NELFCD: variants seen among roughly 807,000 people sequenced by gnomAD.
The protein encoded by NELFCD is negative elongation factor complex member C/D.
A neutral mutation model predicts 72.9 loss-of-function variants in NELFCD; 48 were observed. That is an observed-to-expected ratio of 0.66 (90% confidence interval 0.52 to 0.84). NELFCD has a LOEUF of 0.84. Ranked by LOEUF, NELFCD falls within the 40% of genes least tolerant of loss-of-function variation. NELFCD has a pLI of 0.00. For synonymous variants in NELFCD, 297 were observed against 280.6 expected (o/e 1.06, Z -0.59); for missense variants, 538 against 723.8 (o/e 0.74, Z 2.94).
In NELFCD at chr20:58,992,992, C is replaced by A; in HGVS notation, c.1230-6C>A. The A allele has an allele frequency of 1.2e-6, 2 of 1,601,936 alleles. No homozygotes were observed. The highest frequency in any genetic ancestry group is 1.3e-5 in the African/African-American group (1 of 74,722). On this transcript the variant is annotated splice_region_variant and splice_polypyrimidine_tract_variant and intron_variant, in intron 10 of 14. Coordinates refer to ENST00000652272, the MANE Select transcript of NELFCD (RefSeq NM_198976.4). Reference sequence around the variant, plus strand: ...TTTTAAAGGAAGCATTCTGCCTTAACTGTAGGTTTCCAGTGGTAGCAATGG... The same window carrying A: ...TTTTAAAGGAAGCATTCTGCCTTAAATGTAGGTTTCCAGTGGTAGCAATGG...
intron 1 of NELFCD, among the ~76,000 whole-genome samples, chr20:58,981,673 C>G (rs950175558): frequency 1.4e-4 from 21 of 151,566 alleles, no homozygotes; most frequent in Non-Finnish European, 1.3e-4. Context: ...CTCGCTCCGG[C>G]CAGGCCCGGC....
At position 58,986,973 on chromosome 20, in the gene NELFCD, G is replaced by A; in HGVS notation, c.286+110G>A. 1.6e-6 allele frequency: 1 copy of A among 634,524 alleles called. No individual in the cohort carries two copies. Among genetic ancestry groups the A allele is most frequent in the Middle Eastern group, 2.7e-4 (1 of 3,716 alleles). The allele number at this position is 634,524 out of a possible 1,614,324, so 39.3% of individuals were successfully genotyped here. A position where few individuals can be genotyped will look rare whatever the true frequency, so the allele number is the denominator to read the frequency against. On this transcript the variant is annotated intron_variant, in intron 3 of 14. Coordinates refer to ENST00000652272, the MANE Select transcript of NELFCD (RefSeq NM_198976.4). The surrounding 1 kb of genome is among the most constrained non-coding windows in gnomAD (Gnocchi z 4.4). The stretch of plus-strand genomic sequence containing the variant: ...TGCCTTCTTTGATTTCCTGGTTTCT[G>A]AGACTTGTGTAAGAAAGAGCTGAAC...
At chr20:58,987,584 T>C in intron 3 of NELFCD, 124 bp from the exon 4 acceptor site, 1 of 735,990 alleles carries the variant, frequency 1.4e-6, no homozygotes, top group Admixed American at 2.6e-5. Flanking sequence ...ACCTTACATG[T>C]ATAAGTGGTC....
intron 13 of NELFCD, 85 bp from the exon 14 acceptor site, chr20:58,994,025 C>A: frequency 6.5e-7 from 1 of 1,528,276 alleles, no homozygotes; most frequent in Non-Finnish European, 8.9e-7. Context: ...GGGATTTTTT[C>A]CAAACTGATG....
rs1445107493 is a variant in NELFCD at position 58,994,785 on chromosome 20, C to T, written c.*109C>T. ...CGGGCAGCGTCTTGAAAATGGGCAC[C>T]GCTGGGAGGAGGTGGATGACTTCTT... On this transcript the variant is annotated 3_prime_UTR_variant, in exon 15 of 15. Transcript: ENST00000652272. 1.3e-5 allele frequency: 11 copies of T among 869,338 alleles called. No homozygotes were observed. The highest frequency in any genetic ancestry group is 5.7e-5 in the South Asian group (4 of 69,932). The allele number at this position is 869,338 out of a possible 1,614,324, so 53.9% of individuals were successfully genotyped here. A position where few individuals can be genotyped will look rare whatever the true frequency, so the allele number is the denominator to read the frequency against.
chr20:58,993,227 T>C lies in NELFCD; in HGVS notation c.1344+115T>C. The C allele has an allele frequency of 1.1e-6, 1 of 910,506 alleles. No individual in the cohort carries two copies. The highest frequency in any genetic ancestry group is 1.7e-6 in the Non-Finnish European group (1 of 576,944). The allele number at this position is 910,506 out of a possible 1,614,324, so 56.4% of individuals were successfully genotyped here. A position where few individuals can be genotyped will look rare whatever the true frequency, so the allele number is the denominator to read the frequency against. ...TAGAGGATACTCTTCTCAAAAATAG[T>C]TATTTCTGTCCTGAGGATTTTCCTC... is the stretch of plus-strand genomic sequence containing the variant. On this transcript the variant is annotated intron_variant, in intron 11 of 14. Coordinates refer to ENST00000652272, the MANE Select transcript of NELFCD (RefSeq NM_198976.4). This position sits in a 1 kb window ranked among gnomAD's most constrained non-coding sequence, Gnocchi z 5.0.
At position 58,989,951 on chromosome 20, in the gene NELFCD, A is replaced by G. The variant is rs938490726; in HGVS notation, c.751A>G (p.Arg251Gly). ...QEEQGGSAVR[R>G]IAQEVQRFAQ... ...GGAGCAGGGGGGCTCCGCTGTGCGC[A>G]GGATCGCCCAGGAAGTGCAGCGCTT... is the stretch of plus-strand genomic sequence containing the variant. Residue 251 changes from arginine (R) to glycine (G), a missense_variant, in exon 7 of 15, where the codon AGG becomes GGG. Transcript: ENST00000652272. The G allele has an allele frequency of 6.2e-7, 1 of 1,613,752 alleles. No homozygotes were observed. The highest frequency in any genetic ancestry group is 8.5e-7 in the Non-Finnish European group (1 of 1,180,046).
In NELFCD at chr20:58,991,315, C is replaced by T. The variant is rs150325198; in HGVS notation, c.958C>T (p.Arg320Cys). 18 of 1,614,212 alleles carry T rather than the reference C, an allele frequency of 1.1e-5. No individual in the cohort carries two copies. The highest frequency in any genetic ancestry group is 4.5e-5 in the East Asian group (2 of 44,886). ...CTGGGCATATGCTTCTCCTCAGATC[C>T]GCGTTCCAGCCTTCCTGGACCTGTT... ...SMDPPPVELI[R>C]VPAFLDLFMQ... The change falls in exon 9 of 15, where the codon CGC (arginine) becomes TGC (cysteine). Residue 320 changes from arginine (R) to cysteine (C), a missense_variant. This residue lies in a region of NELFCD where 355 missense variants were observed against 534.5 expected (regional missense o/e 0.66). Transcript: ENST00000652272.
chr20:58,993,166 T>G lies in NELFCD; in HGVS notation c.1344+54T>G. ...TACACAGTGTCTGTCTCATGCTGTT[T>G]ACGTTGGCATTAACATTGCATCTAT... On this transcript the variant is annotated intron_variant, in intron 11 of 14. Transcript: ENST00000652272. This position sits in a 1 kb window ranked among gnomAD's most constrained non-coding sequence, Gnocchi z 5.0. 1.5e-6 allele frequency: 2 copies of G among 1,292,128 alleles called. No individual in the cohort carries two copies. Among genetic ancestry groups the G allele is most frequent in the Non-Finnish European group, 2.3e-6 (2 of 887,088 alleles). The allele number at this position is 1,292,128 out of a possible 1,614,324, so 80.0% of individuals were successfully genotyped here. A position where few individuals can be genotyped will look rare whatever the true frequency, so the allele number is the denominator to read the frequency against.
At position 58,993,564 on chromosome 20, in the gene NELFCD, C is replaced by T; in HGVS notation, c.1440+20C>T. 1 of 1,614,206 alleles carries T rather than the reference C, an allele frequency of 6.2e-7. No homozygotes were observed. Among genetic ancestry groups the T allele is most frequent in the Non-Finnish European group, 8.5e-7 (1 of 1,180,012 alleles). ...GAGCAGGTGAGCAGTGCCCGTGGGG[C>T]TTGCCAGAGGGCTGAGGAGGACCCT... On this transcript the variant is annotated intron_variant, in intron 12 of 14. Transcript: ENST00000652272. The surrounding 1 kb of genome is among the most constrained non-coding windows in gnomAD (Gnocchi z 5.0).
chr20:58,994,586 A>C, intron 14 of NELFCD, 56 bp from the exon 15 acceptor site: 1 of 1,362,360 alleles, frequency 7.3e-7, no homozygotes, highest in Non-Finnish European at 1.0e-6. Context: ...AAAAAGAAAG[A>C]AAATGTCATG....
At chr20:58,982,643 G>A (rs2091744035) in intron 1 of NELFCD, among the ~76,000 whole-genome samples, 1 of 152,218 alleles carries the variant, frequency 6.6e-6, no homozygotes, top group East Asian at 1.9e-4. Flanking sequence ...ACTGAAAGAA[G>A]CCCTGTGATG....
chr20:58,986,360 TTTTA>T lies in NELFCD; in HGVS notation c.176+153_176+156del. 1.7e-6 allele frequency: 1 copy of T among 590,408 alleles called. No individual in the cohort carries two copies. Among genetic ancestry groups the T allele is most frequent in the Non-Finnish European group, 3.0e-6 (1 of 336,190 alleles). The allele number at this position is 590,408 out of a possible 1,614,324, so 36.6% of individuals were successfully genotyped here. On this transcript the variant is annotated intron_variant, in intron 2 of 14. Coordinates refer to ENST00000652272, the MANE Select transcript of NELFCD (RefSeq NM_198976.4). This position sits in a 1 kb window ranked among gnomAD's most constrained non-coding sequence, Gnocchi z 4.4. ...GTCCCCTCTGCCACTTTTTTTTTTT[TTTTA>T]AATTTTTTTAAGACAGAGTCTTGCT... is the stretch of plus-strand genomic sequence containing the variant.
chr20:58,993,570 A>C lies in NELFCD; in HGVS notation c.1440+26A>C. On this transcript the variant is annotated intron_variant, in intron 12 of 14. Transcript: ENST00000652272. This position sits in a 1 kb window ranked among gnomAD's most constrained non-coding sequence, Gnocchi z 5.0. ...GTGAGCAGTGCCCGTGGGGCTTGCCAGAGGGCTGAGGAGGACCCTCTCTAA... is the reference window on the plus strand; with the variant it reads ...GTGAGCAGTGCCCGTGGGGCTTGCCCGAGGGCTGAGGAGGACCCTCTCTAA... 1 of 1,614,216 alleles carries C rather than the reference A, an allele frequency of 6.2e-7. No individual in the cohort carries two copies. The highest frequency in any genetic ancestry group is 8.5e-7 in the Non-Finnish European group (1 of 1,180,018).
At chr20:58,990,010 C>T (rs1340891095) in intron 7 of NELFCD, 22 bp downstream of exon 7, 2 of 1,608,778 alleles carry the variant, frequency 1.2e-6, no homozygotes, top group Non-Finnish European at 8.5e-7. Context: ...TGTTTCTGCT[C>T]AGCCCTTCCT....
intron 1 of NELFCD, among the ~76,000 whole-genome samples, chr20:58,981,933 A>G (rs974529048): frequency 1.3e-5 from 2 of 151,382 alleles, no homozygotes; most frequent in East Asian, 1.9e-4. Flanking sequence ...TTGACCTTCC[A>G]GGGTTTGGGG....
At position 58,989,395 on chromosome 20, in the gene NELFCD, T is replaced by TA. The variant is rs898432580; in HGVS notation, c.505-92dup. 21 of 1,465,750 alleles carry TA rather than the reference T, an allele frequency of 1.4e-5. No individual in the cohort carries two copies. The African/African-American group carries it at 2.8e-4, about 19-fold the overall frequency. 90.8% of individuals were successfully genotyped at this position (1,465,750 alleles called of 1,614,324 possible). ...CTGAGACCCACGACCAGCGCACACT[T>TA]ACTCCACCTCACCATGAACACTGAC... On this transcript the variant is annotated intron_variant, in intron 5 of 14. Transcript: ENST00000652272.
chr20:58,992,973 A>G, intron 10 of NELFCD, 25 bp from the exon 11 acceptor site: 8 of 1,533,114 alleles, frequency 5.2e-6, no homozygotes, highest in African/African-American at 1.4e-5. Flanking sequence ...TGTTTTTTAA[A>G]GGAAGCATTC....
chr20:58,984,452 G>A (rs2146348124), intron 1 of NELFCD, among the ~76,000 whole-genome samples: 1 of 152,290 alleles, frequency 6.6e-6, no homozygotes, highest in South Asian at 2.1e-4. Context: ...AGAGGCAAAT[G>A]TGGAAAGAAG....
Sources: allele counts gnomAD v4.1 joint callset (sites outside exome capture counted in the v4.1 genomes callset), GRCh38; gene constraint gnomAD v4.1.1; regional missense constraint gnomAD v4.1.1; non-coding constraint Gnocchi (gnomAD v3.1); transcripts MANE v1.5; gene names NCBI Gene and HGNC (gene_info 2026-07-23, HGNC 2026-07-21).